POLE2: variants seen among roughly 807,000 people sequenced by gnomAD.
POLE2 encodes the protein DNA polymerase epsilon 2, accessory subunit.
In POLE2, 56 loss-of-function variants were observed where a neutral mutation model predicts 79.4. That is an observed-to-expected ratio of 0.71 (90% CI 0.57 to 0.88). POLE2 has a LOEUF of 0.88. Ranked by LOEUF, POLE2 falls within the 40% of genes least tolerant of loss-of-function variation. The pLI is 0.00. For missense variants in POLE2, 598 were observed against 638.9 expected, an observed-to-expected ratio of 0.94 and a Z score of 0.69; for synonymous variants, 212 against 214.0, an observed-to-expected ratio of 0.99 and a Z score of 0.08.
In POLE2 at chr14:49,664,676, T is replaced by A; in HGVS notation, c.634-2A>T. The A allele has an allele frequency of 6.4e-7, 1 of 1,574,160 alleles. No homozygotes were observed. The highest frequency in any genetic ancestry group is 8.7e-7 in the Non-Finnish European group (1 of 1,144,066). On this transcript the variant is annotated splice_acceptor_variant, in intron 8 of 18. Transcript: ENST00000216367. LOFTEE classifies it high-confidence loss of function. Reference sequence around the variant, plus strand: ...TGTGTATAAACCACTATGGAACTGGTACACAACAGTTGAGGAAAATAATTC... The same window carrying A: ...TGTGTATAAACCACTATGGAACTGGAACACAACAGTTGAGGAAAATAATTC...
At chr14:49,677,768 G>GC in intron 3 of POLE2, 3 of 1,078,538 alleles carry the variant, frequency 2.8e-6, no homozygotes, top group Non-Finnish European at 3.9e-6. Context: ...TTCTTCAGGA[G>GC]TGTGGCAGCT....
chr14:49,668,046 C>T (rs938736075), intron 6 of POLE2, among the ~76,000 whole-genome samples: 2 of 151,974 alleles, frequency 1.3e-5, no homozygotes, highest in African/African-American at 2.4e-5. Flanking sequence ...CTGAGGCGGG[C>T]GGATCACTTG....
rs1439864793 is a variant in POLE2, at chr14:49,655,075, T to A, written c.948A>T (p.Pro316=). ...IMFAGYSPAP[P]TCFILCGNFS... ...AATTACCACACAGAATAAAGCAGGT[T>A]GGAGGTGCTGGTGAATAACCTAAAC... is the stretch of plus-strand genomic sequence containing the variant. Residue 316 remains proline (P), a synonymous_variant, in exon 12 of 19, where the codon CCA becomes CCT. Coordinates refer to ENST00000216367, the MANE Select transcript of POLE2 (RefSeq NM_002692.4). 1 of 1,547,930 alleles carries A rather than the reference T, an allele frequency of 6.5e-7. No homozygotes were observed. Among genetic ancestry groups the A allele is most frequent in the Admixed American group, 1.8e-5 (1 of 54,582 alleles).
Position 49,655,734 on chromosome 14 carries a change from A to T in POLE2, c.865T>A (p.Phe289Ile). The T allele has an allele frequency of 6.2e-7, 1 of 1,612,420 alleles. No homozygotes were observed. The highest frequency in any genetic ancestry group is 2.2e-5 in the East Asian group (1 of 44,770). The part of the protein sequence containing the change: ...EEENKDAMFV[F>I]LSDVWLDQVE... Reference sequence around the variant, plus strand: ...TGGTCCAACCAAACATCAGATAAAAACACAAACATAGCATCTTTATTCTCC... The same window carrying T: ...TGGTCCAACCAAACATCAGATAAAATCACAAACATAGCATCTTTATTCTCC... The change falls in exon 11 of 19, where the codon TTT (phenylalanine) becomes ATT (isoleucine). Residue 289 changes from phenylalanine (F) to isoleucine (I), a missense_variant. Phe to Ile is a conservative substitution (Grantham distance 21). Transcript: ENST00000216367.
At chr14:49,670,819 C>T (rs1204125936) in intron 5 of POLE2, among the ~76,000 whole-genome samples, 1 of 152,178 alleles carries the variant, frequency 6.6e-6, no homozygotes, top group Admixed American at 6.5e-5. Context: ...TGTGTGAGCA[C>T]CTGAATCCAG....
intron 10 of POLE2, 99 bp from the exon 11 acceptor site, chr14:49,655,942 C>G (rs557305944): frequency 4.6e-6 from 3 of 648,300 alleles, no homozygotes; most frequent in Non-Finnish European, 7.9e-6. Context: ...AAGTTATTTT[C>G]CAGTGTAAAA....
rs529387049 is a variant in POLE2, at chr14:49,683,295, G to A, written c.169+298C>T. 4.6e-5 allele frequency among the ~76,000 whole-genome samples: 7 copies of A among 152,118 alleles called. No homozygotes were observed. In the East Asian group the frequency reaches 7.7e-4, roughly 17 times the overall value. ...TGTGTGCCTGTAATCCCACCTACTC[G>A]TGAGGCTGAGACAAGAAAATTGCTT... On this transcript the variant is annotated intron_variant, in intron 2 of 18. Transcript: ENST00000216367.
At chr14:49,684,891 G>A (rs775346307) in intron 1 of POLE2, among the ~76,000 whole-genome samples, 11 of 151,926 alleles carry the variant, frequency 7.2e-5, no homozygotes, top group Non-Finnish European at 1.2e-4. Flanking sequence ...GAGGGAGAAC[G>A]GAGTGAACCT....
intron 17 of POLE2, among the ~76,000 whole-genome samples, chr14:49,649,901 A>G (rs1884083242): frequency 6.6e-6 from 1 of 152,224 alleles, no homozygotes; most frequent in African/African-American, 2.4e-5. Flanking sequence ...GCAATTTCCA[A>G]AAATCAAAAT....
intron 17 of POLE2, 158 bp downstream of exon 17, chr14:49,650,107 G>A: frequency 4.8e-6 from 2 of 418,222 alleles, no homozygotes; most frequent in Non-Finnish European, 7.9e-6. Flanking sequence ...AGAACTTTCT[G>A]TGTATACCAA....
intron 18 of POLE2, among the ~76,000 whole-genome samples, chr14:49,645,232 C>T (rs1463952807): frequency 1.3e-5 from 2 of 151,370 alleles, no homozygotes; most frequent in Admixed American, 6.7e-5. Flanking sequence ...TGACCAACTA[C>T]ATGTGAGAAT....
intron 18 of POLE2, among the ~76,000 whole-genome samples, chr14:49,644,452 G>T (rs1334791231): frequency 6.6e-6 from 1 of 151,066 alleles, no homozygotes; most frequent in East Asian, 2.0e-4. Context: ...GGAGGTTGCA[G>T]TGAGCTGAGA....
chr14:49,646,301 G>GT (rs1566522550), intron 18 of POLE2, among the ~76,000 whole-genome samples: 9 of 90,772 alleles, frequency 9.9e-5, no homozygotes, highest in African/African-American at 3.3e-4. Context: ...TTTTTTTGTT[G>GT]GTTTTTTTTT....
chr14:49,655,792 C>T lies in POLE2; in HGVS notation c.807G>A (p.Val269=). The change falls in exon 11 of 19, where the codon GTG becomes GTA. Residue 269 remains valine (V), a synonymous_variant. Transcript: ENST00000216367. ...NFFGGPSNTS[V]KTSAKLKQLE... is the part of the protein sequence containing the mutation. Reference sequence around the variant, plus strand: ...GCTGTTTTAGTTTTGCAGAAGTCTTCACAGATGTATTAGAAGGACCTCCAA... The same window carrying T: ...GCTGTTTTAGTTTTGCAGAAGTCTTTACAGATGTATTAGAAGGACCTCCAA... 6.3e-7 allele frequency: 1 copy of T among 1,598,982 alleles called. No homozygotes were observed. Among genetic ancestry groups the T allele is most frequent in the Non-Finnish European group, 8.6e-7 (1 of 1,168,168 alleles).
At chr14:49,643,936 A>G (rs1212110943) in intron 18 of POLE2, among the ~76,000 whole-genome samples, 2 of 135,558 alleles carry the variant, frequency 1.5e-5, no homozygotes, top group Non-Finnish European at 3.0e-5. Flanking sequence ...CTGGAGTGCA[A>G]TGGCGTAATC....
At position 49,650,296 on chromosome 14, in the gene POLE2, G is replaced by A. The variant is rs546224864; in HGVS notation, c.1466C>T (p.Thr489Met). 28 of 1,605,584 alleles carry A rather than the reference G, an allele frequency of 1.7e-5. No homozygotes were observed. The highest frequency in any genetic ancestry group is 5.6e-5 in the South Asian group (5 of 90,062). ...TATGCAGAGGCATTCGGTATTTGTC[G>A]TAGTGAAAGGATCATATTTGTCTGC... ...VIADKYDPFT[T>M]TNTECLCINP... Residue 489 changes from threonine (T) to methionine (M), a missense_variant, in exon 17 of 19, where the codon ACG (threonine) becomes ATG (methionine). Thr to Met is a moderately conservative substitution (Grantham distance 81). Coordinates refer to ENST00000216367, the MANE Select transcript of POLE2 (RefSeq NM_002692.4).
At chr14:49,643,729 T>C in intron 18 of POLE2, 59 bp from the exon 19 acceptor site, 2 of 861,682 alleles carry the variant, frequency 2.3e-6, no homozygotes, top group Admixed American at 2.5e-5. Flanking sequence ...TTACTAATAG[T>C]TGTAGTTAAT....
intron 5 of POLE2, among the ~76,000 whole-genome samples, chr14:49,673,332 G>C (rs954066880): frequency 6.6e-6 from 1 of 152,144 alleles, no homozygotes; most frequent in East Asian, 1.9e-4. Flanking sequence ...CTCACACAAG[G>C]AGAACAGTCC....
Position 49,669,605 on chromosome 14 carries a change from A to G in POLE2, c.418-7T>C. The G allele has an allele frequency of 1.3e-6, 2 of 1,483,260 alleles. No homozygotes were observed. The highest frequency in any genetic ancestry group is 1.9e-6 in the Non-Finnish European group (2 of 1,062,738). The allele number at this position is 1,483,260 out of a possible 1,614,324, so 91.9% of individuals were successfully genotyped here. A position where few individuals can be genotyped will look rare whatever the true frequency, so the allele number is the denominator to read the frequency against. On this transcript the variant is annotated splice_polypyrimidine_tract_variant and splice_region_variant and intron_variant, in intron 5 of 18. Transcript: ENST00000216367. The stretch of plus-strand genomic sequence containing the variant: ...ATTCATGCCTGTGGGTCCTCTATAA[A>G]AAAGAAAGATTCACATGAATTCCTG...
Sources: allele counts gnomAD v4.1 joint callset (sites outside exome capture counted in the v4.1 genomes callset), GRCh38; gene constraint gnomAD v4.1.1; transcripts MANE v1.5; gene names NCBI Gene and HGNC (gene_info 2026-07-23, HGNC 2026-07-21).